Variants in NRXN1 observed in about 807,000 individuals in gnomAD.
NRXN1 encodes the protein neurexin 1, also known as neurexin-1.
Under a neutral mutation model 150.9 loss-of-function variants are expected in NRXN1, and 39 were observed. That is an observed-to-expected ratio of 0.26 (90% CI 0.20 to 0.34). The LOEUF is 0.34. Among genes scored for constraint, NRXN1 ranks in the 10% least tolerant of loss-of-function variants. The probability of loss-of-function intolerance (pLI) is 1.00; values close to 1 mark genes in which losing one functional copy is unlikely to be tolerated. For missense variants in NRXN1, 1,815 were observed against 1,949.9 expected, an observed-to-expected ratio of 0.93 and a Z score of 1.30; for synonymous variants, 924 against 757.0, an observed-to-expected ratio of 1.22 and a Z score of -3.62.
At chr2:50,573,608 G>A (rs936823056) in intron 8 of NRXN1, among the ~76,000 whole-genome samples, 5 of 151,970 alleles carry the variant, frequency 3.3e-5, no homozygotes, top group African/African-American at 1.2e-4. Context: ...CCAAGTTAAG[G>A]TAAGAAATGA....
At chr2:50,796,914 G>C (rs1706915127) in intron 5 of NRXN1, among the ~76,000 whole-genome samples, 1 of 152,118 alleles carries the variant, frequency 6.6e-6, no homozygotes, top group Non-Finnish European at 1.5e-5. Flanking sequence ...AGCAAAGTTT[G>C]GGGTCTGGTA....
chr2:50,935,168 A>C (rs1316390946), intron 2 of NRXN1, among the ~76,000 whole-genome samples: 1 of 152,186 alleles, frequency 6.6e-6, no homozygotes, highest in Non-Finnish European at 1.5e-5. Context: ...ATCTTATATA[A>C]TGTATTCTCT....
chr2:50,495,652 C>T (rs917711031), intron 15 of NRXN1, among the ~76,000 whole-genome samples: 26 of 152,186 alleles, frequency 1.7e-4, no homozygotes, highest in Non-Finnish European at 1.2e-4. Context: ...TTATATTTTT[C>T]TCACTTTTTA....
chr2:50,385,360 G>T (rs1432362925), intron 17 of NRXN1, among the ~76,000 whole-genome samples: 1 of 152,156 alleles, frequency 6.6e-6, no homozygotes, highest in East Asian at 1.9e-4. Flanking sequence ...TCATGTCAGA[G>T]ACTAATAGAT....
chr2:50,143,246 T>C (rs974147070), intron 18 of NRXN1, among the ~76,000 whole-genome samples: 96 of 151,800 alleles, frequency 6.3e-4, no homozygotes, highest in African/African-American at 2.3e-3. Flanking sequence ...AGGAGATACA[T>C]ATACAAATAT....
chr2:50,299,474 A>T (rs1301776454), intron 17 of NRXN1, among the ~76,000 whole-genome samples: 1 of 151,446 alleles, frequency 6.6e-6, no homozygotes, highest in East Asian at 1.9e-4. Context: ...CCCCCTGAAG[A>T]ATTGATGTAT....
At chr2:50,445,110 T>A (rs918229707) in intron 17 of NRXN1, among the ~76,000 whole-genome samples, 1 of 152,118 alleles carries the variant, frequency 6.6e-6, no homozygotes, top group Non-Finnish European at 1.5e-5. Flanking sequence ...CCCACTAAGT[T>A]CTTTTCCTTT....
intron 17 of NRXN1, among the ~76,000 whole-genome samples, chr2:50,246,193 A>G: frequency 6.6e-6 from 1 of 151,970 alleles, no homozygotes; most frequent in Non-Finnish European, 1.5e-5. Flanking sequence ...GCAGCCATCC[A>G]AGCCTTTGGC....
intron 10 of NRXN1, among the ~76,000 whole-genome samples, chr2:50,533,076 T>A (rs996510686): frequency 6.6e-6 from 1 of 152,212 alleles, no homozygotes; most frequent in African/African-American, 2.4e-5. Flanking sequence ...CAAGTACTGT[T>A]TCTATAAGAC....
intron 2 of NRXN1, among the ~76,000 whole-genome samples, chr2:51,015,515 T>C (rs1668527349): frequency 1.3e-5 from 2 of 152,030 alleles, no homozygotes; most frequent in Admixed American, 6.6e-5. Flanking sequence ...TCTGGGAACA[T>C]GAACAGCTCC....
At chr2:50,458,012 A>G (rs1176938399) in intron 17 of NRXN1, among the ~76,000 whole-genome samples, 1 of 152,176 alleles carries the variant, frequency 6.6e-6, no homozygotes, top group Non-Finnish European at 1.5e-5. Flanking sequence ...AAATCAGTAT[A>G]TCGAAGAGAT....
intron 5 of NRXN1, among the ~76,000 whole-genome samples, chr2:50,893,465 G>A (rs1681405329): frequency 6.6e-6 from 1 of 152,174 alleles, no homozygotes. Context: ...TTCCTGTAGG[G>A]TTTAATATAG....
chr2:49,934,528 G>A (rs868745842), intron 22 of NRXN1, among the ~76,000 whole-genome samples: 1 of 152,102 alleles, frequency 6.6e-6, no homozygotes, highest in Admixed American at 6.5e-5. Context: ...ATTTTCTTTT[G>A]TTGGGAAAAA....
chr2:50,164,782 T>A (rs2678224), intron 18 of NRXN1, among the ~76,000 whole-genome samples: 49,907 of 151,938 alleles, frequency 0.33, 8,630 homozygotes, highest in Non-Finnish European at 0.38. Context: ...GCATTCTTAA[T>A]GGAGAATACA....
intron 5 of NRXN1, among the ~76,000 whole-genome samples, chr2:50,711,829 C>G (rs1695202752): frequency 6.6e-6 from 1 of 152,106 alleles, no homozygotes; most frequent in Non-Finnish European, 1.5e-5. Context: ...AGTGGTTTCT[C>G]TCTTTTTTGC....
chr2:51,027,430 C>T (rs914594390), intron 2 of NRXN1, 72 bp downstream of exon 2: 6 of 1,427,558 alleles, frequency 4.2e-6, no homozygotes, highest in Non-Finnish European at 5.5e-6. Flanking sequence ...AGACCCCATG[C>T]ACCAGCCCGG....
chr2:50,078,948 A>G (rs1444525675), intron 19 of NRXN1, among the ~76,000 whole-genome samples: 2 of 152,188 alleles, frequency 1.3e-5, no homozygotes, highest in Non-Finnish European at 2.9e-5. Flanking sequence ...TTTGGTATCT[A>G]TTAGGGAATC....
chr2:50,454,664 TCACACACA>T (rs3052512), intron 17 of NRXN1, among the ~76,000 whole-genome samples: 62 of 140,812 alleles, frequency 4.4e-4, no homozygotes, highest in African/African-American at 1.1e-3. Context: ...TGGGCAAAGA[TCACACACA>T]CACACACACA....
At chr2:50,523,142 A>AT (rs767667145) in intron 12 of NRXN1, among the ~76,000 whole-genome samples, 5 of 35,966 alleles carry the variant, frequency 1.4e-4, no homozygotes, top group South Asian at 9.9e-4. Flanking sequence ...TTTACATGCA[A>AT]TTTTTTTTGA....
Sources: gnomAD v4.1 joint callset for allele counts (sites outside exome capture counted in the v4.1 genomes callset) on GRCh38, gnomAD v4.1.1 for gene constraint, MANE v1.5 for transcripts, NCBI Gene and HGNC (gene_info 2026-07-23, HGNC 2026-07-21) for gene names.